The following FCHSD2 variants were observed in gnomAD, a reference collection of about 807,000 sequenced individuals.
FCHSD2 encodes the protein FCH and double SH3 domains 2, also known as F-BAR and double SH3 domains protein 2.
A neutral mutation model predicts 108.1 loss-of-function variants in FCHSD2; 38 were observed. The observed-to-expected ratio is 0.35, with a 90% CI of 0.27 to 0.46. The LOEUF (loss-of-function observed/expected upper bound fraction) is 0.46. FCHSD2 is among the 20% of genes least tolerant of loss of function. The probability of loss-of-function intolerance (pLI) is 1.00; values close to 1 mark genes in which losing one functional copy is unlikely to be tolerated. For synonymous variants in FCHSD2, 279 were observed against 314.7 expected (o/e 0.89, Z 1.20); for missense variants, 751 against 897.8 (o/e 0.84, Z 2.09).
chr11:73,038,579 A>G (rs183699941), intron 3 of FCHSD2, among the ~76,000 whole-genome samples: 40 of 152,336 alleles, frequency 2.6e-4, no homozygotes, highest in African/African-American at 9.6e-4. Flanking sequence ...GATTATCCTA[A>G]GCAAACTAAC....
intron 8 of FCHSD2, among the ~76,000 whole-genome samples, chr11:72,924,018 C>G (rs1436527581): frequency 6.6e-6 from 1 of 152,092 alleles, no homozygotes; most frequent in Non-Finnish European, 1.5e-5. Flanking sequence ...ATACTAGATT[C>G]TTACAATATG....
At chr11:73,067,293 G>A (rs1414743272) in intron 3 of FCHSD2, among the ~76,000 whole-genome samples, 1 of 152,084 alleles carries the variant, frequency 6.6e-6, no homozygotes, top group Admixed American at 6.5e-5. Context: ...AGAACTCATG[G>A]ACATAGGGAG....
chr11:73,136,697 A>C (rs1861127423), intron 2 of FCHSD2, among the ~76,000 whole-genome samples: 1 of 152,202 alleles, frequency 6.6e-6, no homozygotes, highest in Non-Finnish European at 1.5e-5. Flanking sequence ...TCAAAAGAGG[A>C]AAAGCAAGTA....
intron 2 of FCHSD2, among the ~76,000 whole-genome samples, chr11:73,111,633 T>C (rs1170295444): frequency 6.6e-6 from 1 of 152,120 alleles, no homozygotes; most frequent in Non-Finnish European, 1.5e-5. Context: ...CTTACTCCTG[T>C]TATTTTATTT....
chr11:72,937,419 C>G (rs533992897), intron 8 of FCHSD2, among the ~76,000 whole-genome samples: 17 of 152,090 alleles, frequency 1.1e-4, no homozygotes, highest in African/African-American at 2.2e-4. Context: ...AAATATAAAG[C>G]CTTAGTGTTA....
At chr11:72,894,571 T>A (rs528922558) in intron 10 of FCHSD2, among the ~76,000 whole-genome samples, 1 of 152,114 alleles carries the variant, frequency 6.6e-6, no homozygotes, top group Non-Finnish European at 1.5e-5. Flanking sequence ...ATGAAGTATA[T>A]TAATATATGG....
intron 8 of FCHSD2, among the ~76,000 whole-genome samples, chr11:72,928,324 C>T (rs911951108): frequency 2.6e-5 from 4 of 152,144 alleles, no homozygotes; most frequent in Non-Finnish European, 4.4e-5. Flanking sequence ...ATTGAAGATT[C>T]TTTACAATCT....
chr11:72,903,255 C>T (rs1043877345), intron 9 of FCHSD2, among the ~76,000 whole-genome samples: 2 of 152,104 alleles, frequency 1.3e-5, no homozygotes, highest in South Asian at 2.1e-4. Flanking sequence ...CTCGCTCTGT[C>T]GCCTGGGCTG....
At chr11:73,125,683 C>T (rs771706161) in intron 2 of FCHSD2, among the ~76,000 whole-genome samples, 4 of 151,352 alleles carry the variant, frequency 2.6e-5, no homozygotes, top group African/African-American at 4.9e-5. Flanking sequence ...CTAGCCCAGA[C>T]AACAGAGACC....
At chr11:72,876,889 A>C (rs189546279) in intron 12 of FCHSD2, among the ~76,000 whole-genome samples, 12 of 152,258 alleles carry the variant, frequency 7.9e-5, no homozygotes, top group African/African-American at 2.9e-4. Flanking sequence ...TCATGATGAA[A>C]TGTCTTTAAA....
intron 8 of FCHSD2, among the ~76,000 whole-genome samples, chr11:72,926,184 G>A (rs1856072250): frequency 6.6e-6 from 1 of 152,154 alleles, no homozygotes. Context: ...GGCCAGGGAG[G>A]GCCTGAAGAC....
intron 8 of FCHSD2, among the ~76,000 whole-genome samples, chr11:72,939,658 G>A (rs1422440768): frequency 5.3e-5 from 6 of 112,872 alleles, no homozygotes; most frequent in African/African-American, 2.1e-4. Flanking sequence ...TCGCCCTGTC[G>A]CCCAGGCTGG....
chr11:73,078,099 C>T (rs146674345), intron 3 of FCHSD2, among the ~76,000 whole-genome samples: 5 of 152,130 alleles, frequency 3.3e-5, no homozygotes, highest in Admixed American at 1.3e-4. Context: ...CTTCTCTGTA[C>T]GTATATGTCA....
At chr11:72,983,847 C>T (rs753717573) in intron 8 of FCHSD2, 42 of 585,796 alleles carry the variant, frequency 7.2e-5, no homozygotes, top group South Asian at 6.4e-4. Flanking sequence ...CAAATGTTTG[C>T]CGCACCTAGG....
chr11:72,920,722 T>C (rs1178041206), intron 9 of FCHSD2, among the ~76,000 whole-genome samples: 1 of 152,156 alleles, frequency 6.6e-6, no homozygotes, highest in Admixed American at 6.5e-5. Context: ...ATCAAACAAA[T>C]TATACAGTAA....
chr11:72,917,672 C>T (rs1228017516), intron 9 of FCHSD2, among the ~76,000 whole-genome samples: 2 of 152,138 alleles, frequency 1.3e-5, no homozygotes, highest in East Asian at 1.9e-4. Flanking sequence ...GATCACTTGA[C>T]GTCAGGAGTT....
chr11:73,083,610 T>C (rs1591540273), intron 3 of FCHSD2, 85 bp downstream of exon 3: 2 of 772,172 alleles, frequency 2.6e-6, no homozygotes, highest in Admixed American at 5.0e-5. Flanking sequence ...ATAGGGATAA[T>C]ATGGCTTCTC....
intron 8 of FCHSD2, among the ~76,000 whole-genome samples, chr11:72,935,731 TATC>T (rs1291386011): frequency 6.6e-6 from 1 of 152,226 alleles, no homozygotes; most frequent in Non-Finnish European, 1.5e-5. Flanking sequence ...ATCAGAAACA[TATC>T]ATCTAATTTT....
intron 3 of FCHSD2, among the ~76,000 whole-genome samples, chr11:73,079,558 G>C (rs1252613522): frequency 6.6e-6 from 1 of 151,982 alleles, no homozygotes; most frequent in African/African-American, 2.4e-5. Context: ...TCCCCATACA[G>C]GAAATGCAAA....
Sources: gnomAD v4.1 joint callset for allele counts (sites outside exome capture counted in the v4.1 genomes callset) on GRCh38, gnomAD v4.1.1 for gene constraint, MANE v1.5 for transcripts, NCBI Gene and HGNC (gene_info 2026-07-23, HGNC 2026-07-21) for gene names.